CAVIN2: variants seen among roughly 807,000 people sequenced by gnomAD.
CAVIN2 encodes caveolae-associated protein 2.
In CAVIN2, 13 loss-of-function variants were observed where a neutral mutation model predicts 11.7. The ratio of observed to expected loss-of-function variants is 1.11; its 90% confidence interval spans 0.72 to 1.77. CAVIN2 has a LOEUF of 1.77. Among genes scored for constraint, CAVIN2 ranks in the 40% most tolerant of loss-of-function variants. CAVIN2 has a pLI of 0.00. For synonymous variants in CAVIN2, 237 were observed against 223.2 expected (o/e 1.06, Z -0.55); for missense variants, 549 against 542.9 (o/e 1.01, Z -0.11).
chr2:191,838,797 T>C (rs1202045482), intron 1 of CAVIN2, among the ~76,000 whole-genome samples: 1 of 152,184 alleles, frequency 6.6e-6, no homozygotes, highest in Non-Finnish European at 1.5e-5. Context: ...GAGTGCATGT[T>C]GGGTGAGGTG....
rs1380112728 is a variant in CAVIN2 at position 191,835,119 on chromosome 2, A to T, written c.*804T>A. On this transcript the variant is annotated 3_prime_UTR_variant, in exon 2 of 2. Coordinates refer to ENST00000304141, the MANE Select transcript of CAVIN2 (RefSeq NM_004657.6). ...AAAAATATTTTGAAGATGACATGTT[A>T]TTCCAGGATATACGAACTTCTTTAG... is the stretch of plus-strand genomic sequence containing the variant. 1 of 152,134 alleles carries T rather than the reference A, an allele frequency of 6.6e-6. No individual in the cohort carries two copies. The highest frequency in any genetic ancestry group is 1.9e-4 in the East Asian group (1 of 5,202). 9.4% of individuals were successfully genotyped at this position (152,134 alleles called of 1,614,324 possible).
chr2:191,840,122 T>G (rs1041885886), intron 1 of CAVIN2, among the ~76,000 whole-genome samples: 4 of 152,246 alleles, frequency 2.6e-5, no homozygotes, highest in Non-Finnish European at 5.9e-5. Context: ...ATATTTCATA[T>G]GCCTATAAGC....
chr2:191,846,517 C>A lies in CAVIN2; in HGVS notation c.409G>T (p.Ala137Ser). 1 of 1,614,264 alleles carries A rather than the reference C, an allele frequency of 6.2e-7. No individual in the cohort carries two copies. Among genetic ancestry groups the A allele is most frequent in the Non-Finnish European group, 8.5e-7 (1 of 1,180,040 alleles). ...AVKERMDRQC[A>S]QVKRLENNHA... ...TTGTTCTCCAGCCGCTTCACCTGTG[C>A]GCACTGCCTATCCATGCGCTCTTTG... The change falls in exon 1 of 2, where the codon GCA (alanine) becomes TCA (serine). Residue 137 changes from alanine (A) to serine (S), a missense_variant. Transcript: ENST00000304141.
In CAVIN2 at chr2:191,834,717, A is replaced by G. The variant is rs149618741; in HGVS notation, c.*1206T>C. On this transcript the variant is annotated 3_prime_UTR_variant, in exon 2 of 2. Transcript: ENST00000304141. ...AACGCTAGCATGCTTTAAGAAGTTA[A>G]GAAATATTAATATTCTGTGAAATTA... 1 of 152,328 alleles carries G rather than the reference A, an allele frequency of 6.6e-6. No individual in the cohort carries two copies. Among genetic ancestry groups the G allele is most frequent in the East Asian group, 1.9e-4 (1 of 5,196 alleles). The allele number at this position is 152,328 out of a possible 1,614,324, so 9.4% of individuals were successfully genotyped here.
In CAVIN2 at chr2:191,839,246, C is replaced by T. The variant is rs142716579; in HGVS notation, c.484-2529G>A. Among the ~76,000 whole-genome samples the T allele has an allele frequency of 3.8e-4, 58 of 152,256 alleles. 1 individual carries two copies. The highest frequency in any genetic ancestry group is 4.9e-4 in the Non-Finnish European group (33 of 68,008). ...ATCCTTGGCTACCAGAGAAGAGGTACATTTTGCATAGTATAATCTCTCAGG... is the reference window on the plus strand; with the variant it reads ...ATCCTTGGCTACCAGAGAAGAGGTATATTTTGCATAGTATAATCTCTCAGG... On this transcript the variant is annotated intron_variant, in intron 1 of 1. Coordinates refer to ENST00000304141, the MANE Select transcript of CAVIN2 (RefSeq NM_004657.6).
Position 191,836,072 on chromosome 2 carries a change from C to A in CAVIN2, c.1129G>T (p.Val377Leu), listed in dbSNP as rs766888357. The A allele has an allele frequency of 6.2e-7, 1 of 1,614,230 alleles. No homozygotes were observed. The highest frequency in any genetic ancestry group is 1.1e-5 in the South Asian group (1 of 91,088). Residue 377 changes from valine to leucine, a missense_variant, in exon 2 of 2, where the codon GTG becomes TTG. By Grantham distance (32) the Val-to-Leu change is conservative. Transcript: ENST00000304141. ...ACTGACTCCTCCTCTTCATCTTCCA[C>A]AATAGTCAAGTCGATGTTGCTGTCC... ...GMDSNIDLTIVEDEEEESVAL... is the reference protein window; with the variant it reads ...GMDSNIDLTILEDEEEESVAL...
In CAVIN2 at chr2:191,836,563, T is replaced by G. The variant is rs766630025; in HGVS notation, c.638A>C (p.Glu213Ala). The change falls in exon 2 of 2, where the codon GAG becomes GCG. Residue 213 changes from glutamate (E) to alanine (A), a missense_variant. By Grantham distance (107) the Glu-to-Ala change is moderately radical. Transcript: ENST00000304141. ...TTCCTCGGCACTGTCTTCCAGGGCC[T>G]CCTCATCGTGGGGCAAATCATCATC... ...SSDDDLPHDE[E>A]ALEDSAEEKV... is the part of the protein sequence containing the mutation. The G allele has an allele frequency of 9.9e-6, 16 of 1,614,010 alleles. No homozygotes were observed. Among genetic ancestry groups the G allele is most frequent in the East Asian group, 4.5e-5 (2 of 44,888 alleles).
Position 191,836,044 on chromosome 2 carries a change from GC to G in CAVIN2, c.1156del (p.Ala386ProfsTer16). The G allele has an allele frequency of 6.2e-7, 1 of 1,614,196 alleles. No individual in the cohort carries two copies. The highest frequency in any genetic ancestry group is 1.1e-5 in the South Asian group (1 of 91,084). ...IVEDEEEESV[A>X]LEQAQKVRYE... is the part of the protein sequence containing the mutation. The stretch of plus-strand genomic sequence containing the variant: ...GCGTACCTTCTGTGCCTGTTCCAGG[GC>G]CACTGACTCCTCCTCTTCATCTTCC... On this transcript the variant is annotated frameshift_variant, in exon 2 of 2. Coordinates refer to ENST00000304141, the MANE Select transcript of CAVIN2 (RefSeq NM_004657.6). LOFTEE classifies it low-confidence loss of function (END_TRUNC).
chr2:191,838,231 G>C (rs889685073), intron 1 of CAVIN2, among the ~76,000 whole-genome samples: 2 of 152,190 alleles, frequency 1.3e-5, no homozygotes, highest in African/African-American at 4.8e-5. Context: ...TGACCGAAAA[G>C]ATGAAAACAT....
In CAVIN2 at chr2:191,834,343, T is replaced by G. The variant is rs1011178743; in HGVS notation, c.*1580A>C. ...ATTTTTCGGTTTATTTAATCTTCTT[T>G]AACACAGCCATTGTTGGTTCAACAA... On this transcript the variant is annotated 3_prime_UTR_variant, in exon 2 of 2. Coordinates refer to ENST00000304141, the MANE Select transcript of CAVIN2 (RefSeq NM_004657.6). The G allele has an allele frequency of 6.6e-6, 1 of 152,206 alleles. No individual in the cohort carries two copies. The highest frequency in any genetic ancestry group is 1.5e-5 in the Non-Finnish European group (1 of 68,010). 9.4% of individuals were successfully genotyped at this position (152,206 alleles called of 1,614,324 possible).
chr2:191,841,788 T>A (rs1690096418), intron 1 of CAVIN2, among the ~76,000 whole-genome samples: 1 of 152,188 alleles, frequency 6.6e-6, no homozygotes, highest in Non-Finnish European at 1.5e-5. Context: ...TTTTTTTACA[T>A]AAGAGTATGC....
In CAVIN2 at chr2:191,836,010, A is replaced by G. The variant is rs142945525; in HGVS notation, c.1191T>C (p.Gly397=). 2.9e-4 allele frequency: 475 copies of G among 1,614,122 alleles called. No individual in the cohort carries two copies. The highest frequency in any genetic ancestry group is 3.6e-4 in the Non-Finnish European group (423 of 1,180,028). ...LEQAQKVRYE[G]SYALTSEEAE... ...CCTCCTCGGATGTTAGCGCGTAGCTACCCTCATAGCGTACCTTCTGTGCCT... is the reference window on the plus strand; with the variant it reads ...CCTCCTCGGATGTTAGCGCGTAGCTGCCCTCATAGCGTACCTTCTGTGCCT... The change falls in exon 2 of 2, where the codon GGT becomes GGC. Residue 397 remains glycine (G), a synonymous_variant. Transcript: ENST00000304141.
chr2:191,844,840 C>T (rs1356650243), intron 1 of CAVIN2, among the ~76,000 whole-genome samples: 4 of 152,224 alleles, frequency 2.6e-5, no homozygotes, highest in South Asian at 4.2e-4. Flanking sequence ...CCAATCCTGA[C>T]GAATTGTGAC....
At chr2:191,841,673 C>T (rs982353033) in intron 1 of CAVIN2, among the ~76,000 whole-genome samples, 1 of 152,100 alleles carries the variant, frequency 6.6e-6, no homozygotes, top group Non-Finnish European at 1.5e-5. Context: ...ACCTGAGTTG[C>T]ATTGGAGAAC....
In CAVIN2 at chr2:191,836,563, T is replaced by C; in HGVS notation, c.638A>G (p.Glu213Gly). Residue 213 changes from glutamate (E) to glycine (G), a missense_variant, in exon 2 of 2, where the codon GAG (glutamate) becomes GGG (glycine). Transcript: ENST00000304141. ...TTCCTCGGCACTGTCTTCCAGGGCC[T>C]CCTCATCGTGGGGCAAATCATCATC... ...SSDDDLPHDE[E>G]ALEDSAEEKV... 6.2e-6 allele frequency: 10 copies of C among 1,614,128 alleles called. No individual in the cohort carries two copies. The highest frequency in any genetic ancestry group is 8.5e-6 in the Non-Finnish European group (10 of 1,180,022).
Position 191,835,791 on chromosome 2 carries a change from T to G in CAVIN2, c.*132A>C. ...CTGGTCTCGTGTGTCTTACTATGAC[T>G]ATATGGTCAATGATTACTGCCTGGA... is the stretch of plus-strand genomic sequence containing the variant. On this transcript the variant is annotated 3_prime_UTR_variant, in exon 2 of 2. Transcript: ENST00000304141. 1 of 862,338 alleles carries G rather than the reference T, an allele frequency of 1.2e-6. No homozygotes were observed. Among genetic ancestry groups the G allele is most frequent in the Non-Finnish European group, 1.7e-6 (1 of 572,268 alleles). The allele number at this position is 862,338 out of a possible 1,614,324, so 53.4% of individuals were successfully genotyped here.
rs1690178563 is a variant in CAVIN2, at chr2:191,846,967, T to G, written c.-42A>C. 4 of 1,553,392 alleles carry G rather than the reference T, an allele frequency of 2.6e-6. No individual in the cohort carries two copies. Among genetic ancestry groups the G allele is most frequent in the Non-Finnish European group, 3.5e-6 (4 of 1,155,732 alleles). ...ACGTTCTTTCTCTCTGGGAGCTGCTTCTTGCTCGGGTGAGAAGTTGCGGTG... is the reference window on the plus strand; with the variant it reads ...ACGTTCTTTCTCTCTGGGAGCTGCTGCTTGCTCGGGTGAGAAGTTGCGGTG... On this transcript the variant is annotated 5_prime_UTR_variant, in exon 1 of 2. Transcript: ENST00000304141.
intron 1 of CAVIN2, among the ~76,000 whole-genome samples, chr2:191,841,937 A>T (rs1690098723): frequency 6.6e-6 from 1 of 152,240 alleles, no homozygotes; most frequent in South Asian, 2.1e-4. Context: ...AGGGCACTGG[A>T]TAAGTAACAC....
intron 1 of CAVIN2, among the ~76,000 whole-genome samples, chr2:191,838,745 G>A (rs763908952): frequency 6.6e-6 from 1 of 152,202 alleles, no homozygotes; most frequent in Admixed American, 6.5e-5. Flanking sequence ...TCTTGTCCAT[G>A]CTGTGTCCCA....
Sources: allele counts gnomAD v4.1 joint callset (sites outside exome capture counted in the v4.1 genomes callset), GRCh38; gene constraint gnomAD v4.1.1; transcripts MANE v1.5; gene names NCBI Gene and HGNC (gene_info 2026-07-23, HGNC 2026-07-21).